Variants in GRXCR2 observed in about 807,000 individuals in gnomAD.
GRXCR2 encodes glutaredoxin domain-containing cysteine-rich protein 2.
In GRXCR2, 23 loss-of-function variants were observed where a neutral mutation model predicts 24.8. That is an observed-to-expected ratio of 0.93 (90% CI 0.67 to 1.32). The LOEUF (loss-of-function observed/expected upper bound fraction) is 1.32. Among genes scored for constraint, GRXCR2 ranks in the 40% most tolerant of loss-of-function variants. The pLI, the probability that GRXCR2 is intolerant of heterozygous loss-of-function variation, is 0.00. For synonymous variants in GRXCR2, 130 were observed against 116.1 expected, an observed-to-expected ratio of 1.12 and a Z score of -0.77; for missense variants, 315 against 303.4, an observed-to-expected ratio of 1.04 and a Z score of -0.28.
intron 2 of GRXCR2, among the ~76,000 whole-genome samples, chr5:145,862,504 C>A (rs1756355972): frequency 6.6e-6 from 1 of 152,170 alleles, no homozygotes; most frequent in Non-Finnish European, 1.5e-5. Context: ...AAGCCTCTTT[C>A]TTCCTTTCTC....
chr5:145,895,071 A>G (rs1026121104), intron 2 of GRXCR2, among the ~76,000 whole-genome samples: 4 of 152,206 alleles, frequency 2.6e-5, no homozygotes, highest in Non-Finnish European at 5.9e-5. Flanking sequence ...AAAACCTTTG[A>G]CAAAATTCAA....
intron 2 of GRXCR2, among the ~76,000 whole-genome samples, chr5:145,884,809 C>CATTT (rs1756755771): frequency 6.6e-6 from 1 of 152,014 alleles, no homozygotes; most frequent in African/African-American, 2.4e-5. Flanking sequence ...TGCTTTTTTG[C>CATTT]ATTTTCACTT....
intron 2 of GRXCR2, among the ~76,000 whole-genome samples, chr5:145,918,617 G>A (rs150007152): frequency 6.6e-5 from 10 of 152,300 alleles, no homozygotes; most frequent in African/African-American, 2.4e-4. Context: ...CATATGCCCA[G>A]CACTGTGCTG....
At chr5:145,892,347 G>A (rs970802792) in intron 2 of GRXCR2, among the ~76,000 whole-genome samples, 6 of 152,252 alleles carry the variant, frequency 3.9e-5, no homozygotes, top group African/African-American at 1.4e-4. Context: ...GCTAAAGAAG[G>A]AAGTTCGAAC....
chr5:145,899,282 TC>T (rs1344947169), intron 2 of GRXCR2, among the ~76,000 whole-genome samples: 1 of 152,060 alleles, frequency 6.6e-6, no homozygotes, highest in Non-Finnish European at 1.5e-5. Context: ...GTAAAAACAT[TC>T]CATACTCATG....
At chr5:145,897,076 T>C (rs1002685325) in intron 2 of GRXCR2, among the ~76,000 whole-genome samples, 12 of 133,968 alleles carry the variant, frequency 9.0e-5, no homozygotes, top group Non-Finnish European at 6.1e-5. Flanking sequence ...TAGGTGGGAA[T>C]TGAACAATGA....
Position 145,859,676 on chromosome 5 carries a change from T to G in GRXCR2, c.*57A>C. 1 of 1,554,250 alleles carries G rather than the reference T, an allele frequency of 6.4e-7. No homozygotes were observed. The highest frequency in any genetic ancestry group is 8.9e-7 in the Non-Finnish European group (1 of 1,127,060). On this transcript the variant is annotated 3_prime_UTR_variant, in exon 3 of 3. Transcript: ENST00000377976. ...GGCAGGAGGAGGAGAAGGGGGCGGT[T>G]TATTAGAAATAACTTTAGGGAGGGT...
intron 2 of GRXCR2, among the ~76,000 whole-genome samples, chr5:145,923,749 C>T (rs1052792113): frequency 1.3e-5 from 2 of 152,080 alleles, no homozygotes; most frequent in Non-Finnish European, 2.9e-5. Context: ...GCACTGCTTA[C>T]CATCTTCTTT....
Position 145,872,910 on chromosome 5 carries a change from C to A in GRXCR2, c.59G>T (p.Arg20Leu). 1 of 1,614,174 alleles carries A rather than the reference C, an allele frequency of 6.2e-7. No homozygotes were observed. The highest frequency in any genetic ancestry group is 1.1e-5 in the South Asian group (1 of 91,080). The change falls in exon 1 of 3, where the codon CGA becomes CTA. Residue 20 changes from arginine to leucine, a missense_variant. Transcript: ENST00000377976. The stretch of plus-strand genomic sequence containing the variant: ...GCTGTAGGAGGAGGAGATTTTAAAT[C>A]GTACTTTCCGGGGTTTGCCATCACT... The part of the protein sequence containing the change: ...QKSDGKPRKV[R>L]FKISSSYSGR...
intron 2 of GRXCR2, among the ~76,000 whole-genome samples, chr5:145,920,631 G>A (rs933401730): frequency 2.0e-5 from 3 of 152,140 alleles, no homozygotes; most frequent in African/African-American, 7.2e-5. Context: ...AAGCATGACA[G>A]AGGGTGGGGG....
intron 2 of GRXCR2, among the ~76,000 whole-genome samples, chr5:145,930,671 A>G (rs1757465864): frequency 6.6e-6 from 1 of 152,238 alleles, no homozygotes; most frequent in African/African-American, 2.4e-5. Flanking sequence ...GTGTAAGAGC[A>G]TTTTGATCAA....
intron 2 of GRXCR2, among the ~76,000 whole-genome samples, chr5:145,885,752 T>A (rs144414658): frequency 5.9e-5 from 9 of 152,318 alleles, no homozygotes; most frequent in African/African-American, 2.2e-4. Context: ...GGAATTTGAT[T>A]TCATGAGGTC....
intron 2 of GRXCR2, among the ~76,000 whole-genome samples, chr5:145,920,175 C>T (rs1461743367): frequency 1.3e-5 from 2 of 152,054 alleles, no homozygotes; most frequent in Non-Finnish European, 2.9e-5. Flanking sequence ...GGTGTCTACA[C>T]TATTACTCCT....
At chr5:145,870,456 C>T (rs1300464751) in intron 1 of GRXCR2, among the ~76,000 whole-genome samples, 4 of 152,052 alleles carry the variant, frequency 2.6e-5, no homozygotes, top group African/African-American at 4.8e-5. Context: ...ATGTACATAC[C>T]GCATCTTGTT....
chr5:145,897,342 A>G (rs964278972), intron 2 of GRXCR2, among the ~76,000 whole-genome samples: 4 of 152,124 alleles, frequency 2.6e-5, no homozygotes, highest in Admixed American at 2.6e-4. Flanking sequence ...AAAAACTAAA[A>G]GACTTAAACA....
downstream of GRXCR2, among the ~76,000 whole-genome samples, chr5:145,857,771 C>T (rs746475044): frequency 1.4e-4 from 21 of 152,262 alleles, no homozygotes; most frequent in Non-Finnish European, 2.2e-4. Flanking sequence ...CTGCATAACC[C>T]CACTAAGGCT....
Position 145,872,767 on chromosome 5 carries a change from C to T in GRXCR2, c.202G>A (p.Gly68Arg), listed in dbSNP as rs1756554401. Residue 68 changes from glycine (G) to arginine (R), a missense_variant, in exon 1 of 3, where the codon GGG (glycine) becomes AGG (arginine). By Grantham distance (125) the Gly-to-Arg change is moderately radical. Coordinates refer to ENST00000377976, the MANE Select transcript of GRXCR2 (RefSeq NM_001080516.2). ...CACATCTGGGGCCTGGGGACTTCCC[C>T]AGACCCATAAACACCATCCATTGTT... ...LETMDGVYGS[G>R]EVPRPQMCSP... 6.2e-7 allele frequency: 1 copy of T among 1,614,064 alleles called. No individual in the cohort carries two copies. The highest frequency in any genetic ancestry group is 1.3e-5 in the African/African-American group (1 of 74,922).
intron 2 of GRXCR2, among the ~76,000 whole-genome samples, chr5:145,884,639 T>G (rs145828220): frequency 1.7e-3 from 250 of 149,902 alleles, no homozygotes; most frequent in East Asian, 0.013. Context: ...AAAAAAAAAA[T>G]GTTCACAATG....
rs1212630202 is a variant in GRXCR2, at chr5:145,866,900, C to G, written c.337-172G>C. 2.6e-5 allele frequency among the ~76,000 whole-genome samples: 4 copies of G among 152,246 alleles called. No homozygotes were observed. The East Asian group carries it at 7.7e-4, about 29-fold the overall frequency. ...TCATTCCCTGGTCTGTTTGCTCTCTCTAAAAGCCATGAAAGCCAGTTTCCT... is the reference window on the plus strand; with the variant it reads ...TCATTCCCTGGTCTGTTTGCTCTCTGTAAAAGCCATGAAAGCCAGTTTCCT... On this transcript the variant is annotated intron_variant, in intron 1 of 2. Coordinates refer to ENST00000377976, the MANE Select transcript of GRXCR2 (RefSeq NM_001080516.2).
Sources: allele counts gnomAD v4.1 joint callset (sites outside exome capture counted in the v4.1 genomes callset), GRCh38; gene constraint gnomAD v4.1.1; transcripts MANE v1.5; gene names NCBI Gene and HGNC (gene_info 2026-07-23, HGNC 2026-07-21).